AIG1: variants seen among roughly 807,000 people sequenced by gnomAD.
The protein encoded by AIG1 is androgen induced 1.
A neutral mutation model predicts 31.4 loss-of-function variants in AIG1; 23 were observed. The observed-to-expected ratio is 0.73, with a 90% CI of 0.53 to 1.04. AIG1 has a LOEUF of 1.04. Ranked by LOEUF, AIG1 falls within the 50% of genes least tolerant of loss-of-function variation. AIG1 has a pLI of 0.00. For missense variants in AIG1, 274 were observed against 295.0 expected, an observed-to-expected ratio of 0.93 and a Z score of 0.52; for synonymous variants, 100 against 110.5, an observed-to-expected ratio of 0.90 and a Z score of 0.60.
chr6:143,193,669 C>T (rs1453304536), intron 3 of AIG1, among the ~76,000 whole-genome samples: 4 of 152,220 alleles, frequency 2.6e-5, no homozygotes, highest in Non-Finnish European at 5.9e-5. Context: ...AATGTACTTA[C>T]TGCTTTCCTA....
chr6:143,259,581 T>C (rs73594155), intron 3 of AIG1, among the ~76,000 whole-genome samples: 1,840 of 152,326 alleles, frequency 0.012, 23 homozygotes, highest in African/African-American at 0.042. Context: ...TATAGCTGCA[T>C]TTATCACCTA....
At chr6:143,261,227 G>A (rs887967735) in intron 3 of AIG1, among the ~76,000 whole-genome samples, 1 of 152,146 alleles carries the variant, frequency 6.6e-6, no homozygotes, top group Non-Finnish European at 1.5e-5. Flanking sequence ...CGCCTCCCGG[G>A]TTGAAGCGAT....
chr6:143,167,936 A>G (rs1787121030), intron 3 of AIG1, among the ~76,000 whole-genome samples: 1 of 152,168 alleles, frequency 6.6e-6, no homozygotes. Flanking sequence ...GCTGATGTGT[A>G]TTTTGCAATA....
rs1156285379 is a variant in AIG1 at position 143,297,966 on chromosome 6, A to G, written c.515+13741A>G. ...ACCCATAAAGCTGAGAATTACGTAC[A>G]AAACTCTTACATAAATTAAAATGAT... On this transcript the variant is annotated intron_variant, in intron 4 of 5. Transcript: ENST00000357847. The surrounding 1 kb of genome is among the most constrained non-coding windows in gnomAD (Gnocchi z 5.1). 1.3e-5 allele frequency among the ~76,000 whole-genome samples: 2 copies of G among 152,158 alleles called. No homozygotes were observed. The highest frequency in any genetic ancestry group is 6.5e-5 in the Admixed American group (1 of 15,274).
At chr6:143,274,778 C>T (rs939513554) in intron 3 of AIG1, among the ~76,000 whole-genome samples, 1 of 151,562 alleles carries the variant, frequency 6.6e-6, no homozygotes. Context: ...TTGGCTACAC[C>T]ATTTATGAGT....
At chr6:143,068,182 A>G (rs1776895816) in intron 1 of AIG1, among the ~76,000 whole-genome samples, 2 of 152,188 alleles carry the variant, frequency 1.3e-5, no homozygotes, top group South Asian at 4.1e-4. Context: ...CTGGTATAAC[A>G]TTTGGCAAAA....
intron 3 of AIG1, among the ~76,000 whole-genome samples, chr6:143,169,469 C>G (rs1471531286): frequency 6.6e-6 from 1 of 152,160 alleles, no homozygotes; most frequent in African/African-American, 2.4e-5. Flanking sequence ...ATCCTCTCTT[C>G]TAGCTTTTTG....
intron 4 of AIG1, among the ~76,000 whole-genome samples, chr6:143,296,316 T>A (rs1241835517): frequency 6.6e-6 from 1 of 152,150 alleles, no homozygotes; most frequent in Non-Finnish European, 1.5e-5. Flanking sequence ...GATGACCTAG[T>A]TCAGGCAATA....
chr6:143,305,562 T>C (rs950574711), intron 4 of AIG1, among the ~76,000 whole-genome samples: 5 of 152,222 alleles, frequency 3.3e-5, no homozygotes, highest in African/African-American at 1.2e-4. Flanking sequence ...TCCTGAGTTC[T>C]AGTTTGATTG....
intron 4 of AIG1, among the ~76,000 whole-genome samples, chr6:143,287,909 T>C (rs1797801690): frequency 6.6e-6 from 1 of 152,052 alleles, no homozygotes; most frequent in South Asian, 2.1e-4. Flanking sequence ...TTGCACAAAA[T>C]CAAAAACAAT....
chr6:143,148,527 A>G (rs1277819484), intron 2 of AIG1, among the ~76,000 whole-genome samples: 2 of 151,808 alleles, frequency 1.3e-5, no homozygotes, highest in Non-Finnish European at 2.9e-5. Context: ...AACAAAAAGC[A>G]AAACAACTGT....
intron 1 of AIG1, among the ~76,000 whole-genome samples, chr6:143,086,247 T>C (rs1348779103): frequency 6.6e-5 from 10 of 152,040 alleles, no homozygotes; most frequent in Admixed American, 6.6e-4. Context: ...AGTATTGGAG[T>C]GTTATAGGGT....
intron 1 of AIG1, among the ~76,000 whole-genome samples, chr6:143,073,198 A>T (rs2128463011): frequency 6.6e-6 from 1 of 152,328 alleles, no homozygotes; most frequent in Non-Finnish European, 1.5e-5. Flanking sequence ...ATGTTGTGAC[A>T]AATGGATCTC....
At chr6:143,109,065 A>G (rs555680941) in intron 1 of AIG1, among the ~76,000 whole-genome samples, 2 of 152,108 alleles carry the variant, frequency 1.3e-5, no homozygotes, top group African/African-American at 2.4e-5. Context: ...ACAGATTTCC[A>G]TAGAAATTCC....
In AIG1 at chr6:143,319,527, ACAG is replaced by A. The variant is rs1776034921; in HGVS notation, c.516-13753_516-13751del. Among the ~76,000 whole-genome samples, 3 of 152,306 alleles carry A rather than the reference ACAG, an allele frequency of 2.0e-5. No individual in the cohort carries two copies. The South Asian group carries it at 6.2e-4, about 32-fold the overall frequency. ...AAACTACACGTTGGGTACAATGTAC[ACAG>A]CTCTGGTGATGGGTGCAACAAAATC... is the stretch of plus-strand genomic sequence containing the variant. On this transcript the variant is annotated intron_variant, in intron 4 of 5. Coordinates refer to ENST00000357847, the MANE Select transcript of AIG1 (RefSeq NM_016108.4).
intron 3 of AIG1, chr6:143,189,488 T>C (rs1789591194): frequency 1.0e-6 from 1 of 985,148 alleles, no homozygotes. Flanking sequence ...CTTGATGATA[T>C]TTCATTAGGT....
rs975447682 is a variant in AIG1 at position 143,241,935 on chromosome 6, G to A, written c.400-42175G>A. 2.0e-5 allele frequency among the ~76,000 whole-genome samples: 3 copies of A among 152,272 alleles called. No individual in the cohort carries two copies. In the East Asian group the frequency reaches 5.8e-4, roughly 29 times the overall value. On this transcript the variant is annotated intron_variant, in intron 3 of 5. Transcript: ENST00000357847. ...TATGTAAAAAATAAATGAATTTCAT[G>A]TTTAGATTTGGGTCCCATCGCCAAG...
intron 3 of AIG1, among the ~76,000 whole-genome samples, chr6:143,197,136 A>T (rs1429562174): frequency 6.6e-6 from 1 of 151,070 alleles, no homozygotes; most frequent in Non-Finnish European, 1.5e-5. Context: ...ATGACTCTTG[A>T]GAATCCCTTG....
intron 3 of AIG1, among the ~76,000 whole-genome samples, chr6:143,169,149 A>T (rs1393294881): frequency 6.6e-6 from 1 of 152,022 alleles, no homozygotes; most frequent in East Asian, 1.9e-4. Context: ...CATTTTATTT[A>T]GCACTTCATT....
Sources: gnomAD v4.1 joint callset for allele counts (sites outside exome capture counted in the v4.1 genomes callset) on GRCh38, gnomAD v4.1.1 for gene constraint, Gnocchi (gnomAD v3.1) non-coding constraint, MANE v1.5 for transcripts, NCBI Gene and HGNC (gene_info 2026-07-23, HGNC 2026-07-21) for gene names.